Variants in TLR2 observed in about 807,000 individuals in gnomAD.
TLR2 encodes the protein toll-like receptor 2.
TLR2 carries 7 observed loss-of-function variants against 9.1 expected under a neutral mutation model. The observed-to-expected ratio is 0.77, with a 90% CI of 0.44 to 1.44. TLR2 has a LOEUF of 1.44. Ranked by LOEUF, TLR2 falls within the 40% of genes most tolerant of loss-of-function variation. The probability of loss-of-function intolerance (pLI) is 0.01; values close to 1 mark genes in which losing one functional copy is unlikely to be tolerated. For missense variants in TLR2, 812 were observed against 904.6 expected, an observed-to-expected ratio of 0.90 and a Z score of 1.31; for synonymous variants, 317 against 344.6, an observed-to-expected ratio of 0.92 and a Z score of 0.89.
At chr4:153,696,468 C>T (rs189716845) in intron 2 of TLR2, among the ~76,000 whole-genome samples, 19 of 152,152 alleles carry the variant, frequency 1.2e-4, no homozygotes, top group East Asian at 9.6e-4. Flanking sequence ...CTGTTGTAGA[C>T]GAGATTACTA....
chr4:153,686,303 T>G (rs1735702104), intron 1 of TLR2, among the ~76,000 whole-genome samples: 2 of 152,146 alleles, frequency 1.3e-5, no homozygotes. Flanking sequence ...TACATGAGCT[T>G]TGGGGCACAC....
intron 2 of TLR2, among the ~76,000 whole-genome samples, chr4:153,699,119 A>G (rs137998019): frequency 0.014 from 2,123 of 152,308 alleles, 51 homozygotes; most frequent in African/African-American, 0.049. Flanking sequence ...GGAGCCTTAG[A>G]TAAATACTAC....
intron 1 of TLR2, among the ~76,000 whole-genome samples, chr4:153,685,443 T>C (rs1735638444): frequency 6.6e-6 from 1 of 152,178 alleles, no homozygotes; most frequent in African/African-American, 2.4e-5. Context: ...TTTGACTCTG[T>C]TATTAAGATT....
chr4:153,691,778 A>G (rs915545986), intron 2 of TLR2, among the ~76,000 whole-genome samples: 5 of 152,196 alleles, frequency 3.3e-5, no homozygotes, highest in African/African-American at 4.8e-5. Flanking sequence ...AATGTTTTCA[A>G]TTGATCCCTA....
At chr4:153,687,731 G>C (rs1489811200) in intron 1 of TLR2, among the ~76,000 whole-genome samples, 171 bp from the exon 2 acceptor site, 1 of 152,110 alleles carries the variant, frequency 6.6e-6, no homozygotes, top group African/African-American at 2.4e-5. Context: ...AAATAAGGCA[G>C]ACTCCTAGCT....
Position 153,686,229 on chromosome 4 carries a change from AAAAC to A in TLR2, c.-162-1657_-162-1654del, listed in dbSNP as rs921371976. Reference sequence around the variant, plus strand: ...GGGTGACAGAGCGAGACTCTGTCTCAAAACAAACAAACAAACAAAAATTCCACCT... The same window carrying A: ...GGGTGACAGAGCGAGACTCTGTCTCAAAACAAACAAACAAAAATTCCACCT... On this transcript the variant is annotated intron_variant, in intron 1 of 2. Transcript: ENST00000642700. Among the ~76,000 whole-genome samples the A allele has an allele frequency of 5.3e-5, 8 of 152,306 alleles. No individual in the cohort carries two copies. The East Asian group carries it at 7.7e-4, about 15-fold the overall frequency.
At chr4:153,700,749 ATATAT>A (rs1189606899) in intron 2 of TLR2, among the ~76,000 whole-genome samples, 2 of 152,206 alleles carry the variant, frequency 1.3e-5, no homozygotes, top group Non-Finnish European at 2.9e-5. Flanking sequence ...AGATATTGAG[ATATAT>A]TATACATTTA....
chr4:153,692,856 A>G (rs915164111), intron 2 of TLR2, among the ~76,000 whole-genome samples: 1 of 152,232 alleles, frequency 6.6e-6, no homozygotes, highest in Admixed American at 6.5e-5. Context: ...TAAATTGAGC[A>G]GGTTGAATTG....
Position 153,703,635 on chromosome 4 carries a change from C to G in TLR2, c.728C>G (p.Ser243Cys), listed in dbSNP as rs547628858. ...DLDTFHFSELSTGETNSLIKK... is the reference protein window; with the variant it reads ...DLDTFHFSELCTGETNSLIKK... ...GACACTTTCCATTTTTCAGAACTAT[C>G]CACTGGTGAAACAAATTCATTGATT... is the stretch of plus-strand genomic sequence containing the variant. Residue 243 changes from serine (S) to cysteine (C), a missense_variant, in exon 3 of 3, where the codon TCC (serine) becomes TGC (cysteine). Physicochemically the swap from Ser to Cys is moderately radical, Grantham distance 112. Coordinates refer to ENST00000642700, the MANE Select transcript of TLR2 (RefSeq NM_001318789.2). 1.7e-5 allele frequency: 28 copies of G among 1,613,470 alleles called. 1 individual carries two copies. The South Asian group carries it at 3.0e-4, about 17-fold the overall frequency.
intron 2 of TLR2, among the ~76,000 whole-genome samples, chr4:153,696,128 T>G (rs569552707): frequency 2.1e-4 from 32 of 152,282 alleles, no homozygotes; most frequent in Middle Eastern, 3.4e-3. Context: ...GTTTTGTTCT[T>G]TTTGCTCAGA....
chr4:153,710,476 G>A, downstream of TLR2: 2 of 1,608,774 alleles, frequency 1.2e-6, no homozygotes, highest in Non-Finnish European at 1.7e-6. Context: ...TACAGAAAAT[G>A]TGTGCGCTCC....
chr4:153,689,827 T>C (rs772454642), intron 2 of TLR2, among the ~76,000 whole-genome samples: 3 of 152,238 alleles, frequency 2.0e-5, no homozygotes, highest in Non-Finnish European at 4.4e-5. Flanking sequence ...TGTCCCACTT[T>C]CCTCAGGTTT....
At chr4:153,698,640 G>C (rs1358905216) in intron 2 of TLR2, among the ~76,000 whole-genome samples, 1 of 152,060 alleles carries the variant, frequency 6.6e-6, no homozygotes, top group African/African-American at 2.4e-5. Flanking sequence ...ATCAATGTTT[G>C]GTTTGTCAAA....
chr4:153,687,803 T>C (rs1432656500), intron 1 of TLR2, 99 bp from the exon 2 acceptor site: 1 of 152,210 alleles, frequency 6.6e-6, no homozygotes, highest in Non-Finnish European at 1.5e-5. Context: ...CTGCTCACAC[T>C]GTTGGATGCT....
intron 2 of TLR2, among the ~76,000 whole-genome samples, chr4:153,700,115 A>G (rs570861516): frequency 6.6e-6 from 1 of 152,226 alleles, no homozygotes; most frequent in South Asian, 2.1e-4. Context: ...GGGAGGTCCC[A>G]GACTCTTTTT....
chr4:153,710,335 A>G (rs1737477425), downstream of TLR2: 1 of 1,506,858 alleles, frequency 6.6e-7, no homozygotes, highest in Non-Finnish European at 8.9e-7. Context: ...AAGGATTTCA[A>G]CCATGCAGTA....
intron 2 of TLR2, among the ~76,000 whole-genome samples, chr4:153,691,987 T>C (rs1736154168): frequency 6.6e-6 from 1 of 152,206 alleles, no homozygotes; most frequent in Non-Finnish European, 1.5e-5. Context: ...ATATAATGAA[T>C]AATGTAACAC....
chr4:153,690,672 G>A (rs537194416), intron 2 of TLR2, among the ~76,000 whole-genome samples: 6 of 152,238 alleles, frequency 3.9e-5, no homozygotes, highest in African/African-American at 7.2e-5. Context: ...GATGAGGAAT[G>A]CACCATTTGG....
downstream of TLR2, chr4:153,710,209 G>A (rs1737468271): frequency 3.6e-6 from 2 of 551,398 alleles, no homozygotes; most frequent in East Asian, 3.0e-5. Flanking sequence ...CCATTGTTCA[G>A]CTTCTCTTTA....
Sources: gnomAD v4.1 joint callset for allele counts (sites outside exome capture counted in the v4.1 genomes callset) on GRCh38, gnomAD v4.1.1 for gene constraint, MANE v1.5 for transcripts, NCBI Gene and HGNC (gene_info 2026-07-23, HGNC 2026-07-21) for gene names.